The following NPAS3 variants were observed in gnomAD, a reference collection of about 807,000 sequenced individuals.
The protein encoded by NPAS3 is neuronal PAS domain-containing protein 3.
NPAS3 carries 14 observed loss-of-function variants against 73.1 expected under a neutral mutation model. The observed-to-expected ratio is 0.19, with a 90% confidence interval of 0.13 to 0.30. The LOEUF (loss-of-function observed/expected upper bound fraction) is 0.30, where lower values mean the gene tolerates loss of function less well. NPAS3 is among the 10% of genes least tolerant of loss of function. NPAS3 has a pLI of 1.00. For synonymous variants in NPAS3, 620 were observed against 541.5 expected (o/e 1.14, Z -2.01); for missense variants, 1,096 against 1,250.0 (o/e 0.88, Z 1.86).
In NPAS3 at chr14:33,705,604, C is replaced by G. The variant is rs1324378153; in HGVS notation, c.733+29219C>G. On this transcript the variant is annotated intron_variant, in intron 6 of 11. Transcript: ENST00000356141. The stretch of plus-strand genomic sequence containing the variant: ...TCTAATAATACAGGGCGTGGAGAAG[C>G]TATGTAGAAAAAAAGAATTGGAAGT... Among the ~76,000 whole-genome samples, 3 of 152,186 alleles carry G rather than the reference C, an allele frequency of 2.0e-5. No homozygotes were observed. The East Asian group carries it at 5.8e-4, about 29-fold the overall frequency.
At chr14:33,769,515 T>C (rs138648895) in intron 7 of NPAS3, among the ~76,000 whole-genome samples, 2 of 152,274 alleles carry the variant, frequency 1.3e-5, no homozygotes, top group East Asian at 3.9e-4. Flanking sequence ...CTGGGCCCCA[T>C]CTCTGTCTTT....
chr14:33,615,332 T>A (rs1362309380), intron 5 of NPAS3, among the ~76,000 whole-genome samples: 2 of 151,946 alleles, frequency 1.3e-5, no homozygotes, highest in Non-Finnish European at 2.9e-5. Flanking sequence ...AGAGGATGGA[T>A]TATAGAAGTG....
intron 1 of NPAS3, among the ~76,000 whole-genome samples, chr14:33,002,991 G>A (rs1485688729): frequency 6.6e-6 from 1 of 151,944 alleles, no homozygotes; most frequent in Admixed American, 6.5e-5. Flanking sequence ...AGATCATTGA[G>A]AGTCTCCCTG....
At chr14:32,982,336 G>A (rs2037932022) in intron 1 of NPAS3, among the ~76,000 whole-genome samples, 1 of 152,076 alleles carries the variant, frequency 6.6e-6, no homozygotes, top group African/African-American at 2.4e-5. Flanking sequence ...GTTGTACTGG[G>A]GATTAAGTTT....
chr14:33,411,012 C>T (rs1229071101), intron 4 of NPAS3, among the ~76,000 whole-genome samples: 1 of 152,146 alleles, frequency 6.6e-6, no homozygotes, highest in African/African-American at 2.4e-5. Context: ...AATGATATAG[C>T]CTCTTGAACC....
intron 4 of NPAS3, among the ~76,000 whole-genome samples, chr14:33,498,922 G>A (rs887430844): frequency 7.9e-6 from 1 of 126,168 alleles, no homozygotes; most frequent in Non-Finnish European, 1.7e-5. Flanking sequence ...ATGAGAGAGA[G>A]AGACAGAGAG....
At chr14:33,303,673 T>A (rs1001401656) in intron 3 of NPAS3, among the ~76,000 whole-genome samples, 2 of 152,196 alleles carry the variant, frequency 1.3e-5, no homozygotes, top group Non-Finnish European at 2.9e-5. Context: ...CAAAGTAGGT[T>A]TGTTGCCTCA....
At chr14:33,666,111 G>C (rs988746110) in intron 5 of NPAS3, among the ~76,000 whole-genome samples, 1 of 152,094 alleles carries the variant, frequency 6.6e-6, no homozygotes, top group African/African-American at 2.4e-5. Context: ...AAAAGGAAGG[G>C]GAAAACGGTT....
intron 5 of NPAS3, among the ~76,000 whole-genome samples, chr14:33,647,423 A>C (rs1026792217): frequency 6.6e-6 from 1 of 152,048 alleles, no homozygotes; most frequent in African/African-American, 2.4e-5. Flanking sequence ...TGATATACTT[A>C]TGCTGCCTTC....
Position 33,468,591 on chromosome 14 carries a change from T to G in NPAS3, c.469-91530T>G, listed in dbSNP as rs140871586. ...TAATGAAGGCACTAATTCCAGAGAT[T>G]CAGAAAACTGCTTCTCAGCAGGTTT... On this transcript the variant is annotated intron_variant, in intron 4 of 11. Transcript: ENST00000356141. Among the ~76,000 whole-genome samples the G allele has an allele frequency of 3.9e-5, 6 of 152,328 alleles. No homozygotes were observed. The East Asian group carries it at 1.2e-3, about 29-fold the overall frequency.
intron 2 of NPAS3, among the ~76,000 whole-genome samples, chr14:33,194,097 C>T (rs1239521777): frequency 6.6e-6 from 1 of 152,136 alleles, no homozygotes; most frequent in African/African-American, 2.4e-5. Context: ...TTTCTGCCAG[C>T]AGAGTATAAT....
At chr14:33,183,421 GTTTTTTTTTTTTTTT>G (rs55643715) in intron 2 of NPAS3, among the ~76,000 whole-genome samples, 35 of 60,792 alleles carry the variant, frequency 5.8e-4, no homozygotes, top group Middle Eastern at 9.6e-3. Context: ...GTGAGACTCT[GTTTTTTTTTTTTTTT>G]TTTTTTTTTT....
intron 1 of NPAS3, among the ~76,000 whole-genome samples, chr14:32,989,716 C>T (rs967229223): frequency 6.6e-6 from 1 of 152,108 alleles, no homozygotes; most frequent in Admixed American, 6.5e-5. Context: ...TGAATTTTGA[C>T]CATTATTTTC....
upstream of NPAS3, among the ~76,000 whole-genome samples, chr14:32,936,654 C>A (rs935726081): frequency 6.6e-6 from 1 of 152,094 alleles, no homozygotes; most frequent in East Asian, 1.9e-4. Flanking sequence ...ATTTCAGGGA[C>A]CTCCGGGAAC....
At chr14:33,326,854 A>G (rs2043732549) in intron 3 of NPAS3, among the ~76,000 whole-genome samples, 1 of 152,206 alleles carries the variant, frequency 6.6e-6, no homozygotes, top group African/African-American at 2.4e-5. Flanking sequence ...TAGCAGGTAT[A>G]CATGACAAGG....
At chr14:33,310,157 T>C (rs139985829) in intron 3 of NPAS3, among the ~76,000 whole-genome samples, 1 of 152,352 alleles carries the variant, frequency 6.6e-6, no homozygotes, top group African/African-American at 2.4e-5. Context: ...CACACACGTC[T>C]CCACCCTGGT....
At chr14:33,356,256 T>A (rs192555919) in intron 3 of NPAS3, among the ~76,000 whole-genome samples, 1 of 152,330 alleles carries the variant, frequency 6.6e-6, no homozygotes, top group African/African-American at 2.4e-5. Context: ...AGTGGCGAAG[T>A]CCGTTCTCAT....
intron 1 of NPAS3, among the ~76,000 whole-genome samples, chr14:32,965,680 A>G (rs746574586): frequency 5.9e-5 from 9 of 152,192 alleles, no homozygotes; most frequent in Non-Finnish European, 1.2e-4. Context: ...CACCACTTCT[A>G]TTTGACATGG....
At chr14:33,029,910 G>T (rs2039932053) in intron 1 of NPAS3, among the ~76,000 whole-genome samples, 1 of 152,194 alleles carries the variant, frequency 6.6e-6, no homozygotes, top group Non-Finnish European at 1.5e-5. Flanking sequence ...TTGTGTACTT[G>T]TTGATATTGT....
Sources: allele counts gnomAD v4.1 joint callset (sites outside exome capture counted in the v4.1 genomes callset), GRCh38; gene constraint gnomAD v4.1.1; transcripts MANE v1.5; gene names NCBI Gene and HGNC (gene_info 2026-07-23, HGNC 2026-07-21).